INTS2: variants seen among roughly 807,000 people sequenced by gnomAD.
The protein encoded by INTS2 is integrator complex subunit 2.
INTS2 carries 57 observed loss-of-function variants against 139.6 expected under a neutral mutation model. The observed-to-expected ratio is 0.41, with a 90% CI of 0.33 to 0.51. INTS2 has a LOEUF of 0.51. Ranked by LOEUF, INTS2 falls within the 20% of genes least tolerant of loss-of-function variation. The pLI is 0.28. For missense variants in INTS2, 1,196 were observed against 1,436.7 expected, an observed-to-expected ratio of 0.83 and a Z score of 2.71; for synonymous variants, 473 against 493.4, an observed-to-expected ratio of 0.96 and a Z score of 0.55.
In INTS2 at chr17:61,897,318, G is replaced by A; in HGVS notation, c.1494+151C>T. 1.8e-6 allele frequency: 1 copy of A among 542,184 alleles called. No individual in the cohort carries two copies. Among genetic ancestry groups the A allele is most frequent in the Non-Finnish European group, 3.3e-6 (1 of 307,348 alleles). The allele number at this position is 542,184 out of a possible 1,614,324, so 33.6% of individuals were successfully genotyped here. ...AGTATCTATTATTTTAGTAAATACA[G>A]GTTTCAAAATGCATTTTTCTAAGCG... On this transcript the variant is annotated intron_variant, in intron 11 of 24. Transcript: ENST00000251334. This position sits in a 1 kb window ranked among gnomAD's most constrained non-coding sequence, Gnocchi z 4.4.
In INTS2 at chr17:61,882,558, G is replaced by C. The variant is rs2079187063; in HGVS notation, c.2090-1387C>G. Among the ~76,000 whole-genome samples the C allele has an allele frequency of 6.6e-6, 1 of 152,072 alleles. No homozygotes were observed. ...AGCCTGGCCAACATGGGGAAATCCT[G>C]TCTCTACTAAAAATACAAAAATTAG... On this transcript the variant is annotated intron_variant, in intron 16 of 24. Transcript: ENST00000251334. The surrounding 1 kb of genome is among the most constrained non-coding windows in gnomAD (Gnocchi z 4.7).
chr17:61,869,509 A>G lies in INTS2; in HGVS notation c.3031-129T>C. 1 of 800,670 alleles carries G rather than the reference A, an allele frequency of 1.2e-6. No homozygotes were observed. Among genetic ancestry groups the G allele is most frequent in the Non-Finnish European group, 2.0e-6 (1 of 509,922 alleles). 49.6% of individuals were successfully genotyped at this position (800,670 alleles called of 1,614,324 possible). On this transcript the variant is annotated intron_variant, in intron 21 of 24. Transcript: ENST00000251334. This position sits in a 1 kb window ranked among gnomAD's most constrained non-coding sequence, Gnocchi z 5.4. ...CAGAAGGCTATAGTGCCCCATATGT[A>G]ACCTGGCATTTCACTTTTCTGATGC... is the stretch of plus-strand genomic sequence containing the variant.
rs2079048436 is a variant in INTS2, at chr17:61,866,640, G to A, written c.*917C>T. 6.6e-6 allele frequency: 1 copy of A among 152,090 alleles called. No individual in the cohort carries two copies. The highest frequency in any genetic ancestry group is 1.5e-5 in the Non-Finnish European group (1 of 68,010). The allele number at this position is 152,090 out of a possible 1,614,324, so 9.4% of individuals were successfully genotyped here. On this transcript the variant is annotated 3_prime_UTR_variant, in exon 25 of 25. Transcript: ENST00000251334. Reference sequence around the variant, plus strand: ...CAAAGATCTTCTCAAAGTAAGATATGAATTATAATCCTGATGACAAACCAA... The same window carrying A: ...CAAAGATCTTCTCAAAGTAAGATATAAATTATAATCCTGATGACAAACCAA...
rs67714239 is a variant in INTS2 at position 61,909,121 on chromosome 17, CT to C, written c.955-1488del. The stretch of plus-strand genomic sequence containing the variant: ...ATACACACAATGGAATATTATTTTT[CT>C]TTTTTTTTGAGACCGAGTCCTGCTC... On this transcript the variant is annotated intron_variant, in intron 7 of 24. Transcript: ENST00000251334. This position sits in a 1 kb window ranked among gnomAD's most constrained non-coding sequence, Gnocchi z 4.9. 6.6e-6 allele frequency among the ~76,000 whole-genome samples: 1 copy of C among 151,062 alleles called. No homozygotes were observed. The highest frequency in any genetic ancestry group is 2.4e-5 in the African/African-American group (1 of 41,166).
chr17:61,872,436 G>A lies in INTS2; in HGVS notation c.2607C>T (p.Thr869=). 2 of 1,597,942 alleles carry A rather than the reference G, an allele frequency of 1.3e-6. No individual in the cohort carries two copies. Among genetic ancestry groups the A allele is most frequent in the Middle Eastern group, 1.7e-4 (1 of 6,002 alleles). The change falls in exon 20 of 25, where the codon ACC becomes ACT. Residue 869 remains threonine, a synonymous_variant. Transcript: ENST00000251334. This position sits in a 1 kb window ranked among gnomAD's most constrained non-coding sequence, Gnocchi z 4.8. The part of the protein sequence containing the change: ...VHRCPPLMDI[T]LHMLNGYLLA... ...GAAGATATCCATTCAACATGTGTAGGGTAATATCCATCAGTGGGGGGCATC... is the reference window on the plus strand; with the variant it reads ...GAAGATATCCATTCAACATGTGTAGAGTAATATCCATCAGTGGGGGGCATC...
intron 15 of INTS2, among the ~76,000 whole-genome samples, chr17:61,888,666 A>G (rs2079255782): frequency 6.6e-6 from 1 of 151,936 alleles, no homozygotes; most frequent in African/African-American, 2.4e-5. Context: ...TCAGCCTCCC[A>G]AAGTACCAAA....
intron 11 of INTS2, among the ~76,000 whole-genome samples, chr17:61,896,825 T>C (rs1250740103): frequency 6.6e-6 from 1 of 152,212 alleles, no homozygotes; most frequent in Admixed American, 6.5e-5. Context: ...GTTAAACTGA[T>C]ACAATCTTTC....
intron 8 of INTS2, among the ~76,000 whole-genome samples, chr17:61,906,352 C>T (rs138760535): frequency 1.1e-3 from 161 of 152,274 alleles, no homozygotes; most frequent in African/African-American, 3.7e-3. Flanking sequence ...GGATATTCAA[C>T]CTTTACAACT....
chr17:61,882,590 G>A lies in INTS2; in HGVS notation c.2090-1419C>T, dbSNP rs1603374374. On this transcript the variant is annotated intron_variant, in intron 16 of 24. Transcript: ENST00000251334. The surrounding 1 kb of genome is among the most constrained non-coding windows in gnomAD (Gnocchi z 4.7). The stretch of plus-strand genomic sequence containing the variant: ...CTAAAAATACAAAAATTAGCCAGGC[G>A]TGGTGGCACACGCCTGTAATCCTGG... Among the ~76,000 whole-genome samples, 2 of 152,126 alleles carry A rather than the reference G, an allele frequency of 1.3e-5. No individual in the cohort carries two copies. Among genetic ancestry groups the A allele is most frequent in the African/African-American group, 2.4e-5 (1 of 41,444 alleles).
In INTS2 at chr17:61,921,810, T is replaced by A. The variant is rs752363194; in HGVS notation, c.450A>T (p.Gly150=). 2 of 1,591,344 alleles carry A rather than the reference T, an allele frequency of 1.3e-6. No individual in the cohort carries two copies. The highest frequency in any genetic ancestry group is 2.7e-5 in the African/African-American group (2 of 73,780). ...GTTCAGAAGACTTGAAAAAAAATTC[T>A]CCGTTGGACTCAGACACCTTAAAAA... The part of the protein sequence containing the change: ...AIMNKVSESN[G]EFFFKSSELF... Residue 150 remains glycine (G), a synonymous_variant, in exon 4 of 25, where the codon GGA becomes GGT. Coordinates refer to ENST00000251334, the MANE Select transcript of INTS2 (RefSeq NM_001351695.2).
Position 61,872,529 on chromosome 17 carries a change from G to T in INTS2, c.2583-69C>A, listed in dbSNP as rs2079097744. 9.4e-7 allele frequency: 1 copy of T among 1,059,944 alleles called. No homozygotes were observed. The highest frequency in any genetic ancestry group is 1.3e-6 in the Non-Finnish European group (1 of 760,520). 65.7% of individuals were successfully genotyped at this position (1,059,944 alleles called of 1,614,324 possible). On this transcript the variant is annotated intron_variant, in intron 19 of 24. Coordinates refer to ENST00000251334, the MANE Select transcript of INTS2 (RefSeq NM_001351695.2). The surrounding 1 kb of genome is among the most constrained non-coding windows in gnomAD (Gnocchi z 4.8). ...TAAATTTATAAATTAGCCAGAACATGATCAATTTAGTTTAAATGCTGAGAA... is the reference window on the plus strand; with the variant it reads ...TAAATTTATAAATTAGCCAGAACATTATCAATTTAGTTTAAATGCTGAGAA...
intron 9 of INTS2, among the ~76,000 whole-genome samples, chr17:61,898,924 T>C (rs767157389): frequency 7.2e-5 from 11 of 152,104 alleles, no homozygotes; most frequent in African/African-American, 1.2e-4. Flanking sequence ...TAAATTTTAA[T>C]TGAAAAGTAC....
chr17:61,885,173 C>G (rs1215407527), intron 15 of INTS2, 168 bp from the exon 16 acceptor site: 2 of 594,884 alleles, frequency 3.4e-6, no homozygotes, highest in Non-Finnish European at 5.9e-6. Flanking sequence ...AGTGGCTACA[C>G]AGGAAGAACA....
chr17:61,876,032 C>T lies in INTS2; in HGVS notation c.2457-994G>A, dbSNP rs1472904469. On this transcript the variant is annotated intron_variant, in intron 18 of 24. Coordinates refer to ENST00000251334, the MANE Select transcript of INTS2 (RefSeq NM_001351695.2). This position sits in a 1 kb window ranked among gnomAD's most constrained non-coding sequence, Gnocchi z 4.1. ...AAAACTAAAAAAAATTAGGCAGGCA[C>T]GGGGGTATGCACCTGTAGTCCAGCT... is the stretch of plus-strand genomic sequence containing the variant. 1.3e-5 allele frequency among the ~76,000 whole-genome samples: 2 copies of T among 151,494 alleles called. No homozygotes were observed. Among genetic ancestry groups the T allele is most frequent in the South Asian group, 2.1e-4 (1 of 4,802 alleles).
chr17:61,902,938 G>A (rs1403004636), intron 9 of INTS2, among the ~76,000 whole-genome samples: 15 of 150,974 alleles, frequency 9.9e-5, no homozygotes, highest in South Asian at 2.1e-4. Context: ...AGGCCGAGGC[G>A]GGTGGATCGC....
At chr17:61,903,171 A>G (rs2079425719) in intron 9 of INTS2, among the ~76,000 whole-genome samples, 2 of 147,594 alleles carry the variant, frequency 1.4e-5, no homozygotes. Context: ...CGTCTCAAAA[A>G]AGGAAAAAAA....
rs1023547192 is a variant in INTS2 at position 61,914,331 on chromosome 17, C to T, written c.650-2261G>A. ...CAGCACTTTGGGAGATTGAGGCAAG[C>T]GGACCACTTTAGCCCAGGAGTCTGA... On this transcript the variant is annotated intron_variant, in intron 5 of 24. Transcript: ENST00000251334. 2.6e-5 allele frequency among the ~76,000 whole-genome samples: 4 copies of T among 152,180 alleles called. No homozygotes were observed. The East Asian group carries it at 5.8e-4, about 22-fold the overall frequency.
rs188660454 is a variant in INTS2 at position 61,923,638 on chromosome 17, A to C, written c.432+1323T>G. Among the ~76,000 whole-genome samples, 13 of 152,240 alleles carry C rather than the reference A, an allele frequency of 8.5e-5. 1 individual carries two copies. The highest frequency in any genetic ancestry group is 6.5e-4 in the Admixed American group (10 of 15,276). Reference sequence around the variant, plus strand: ...TTAACTGACTCCCCAAAATTATAACAGTAAATAAACATAAAGATCTAATTT... The same window carrying C: ...TTAACTGACTCCCCAAAATTATAACCGTAAATAAACATAAAGATCTAATTT... On this transcript the variant is annotated intron_variant, in intron 3 of 24. Coordinates refer to ENST00000251334, the MANE Select transcript of INTS2 (RefSeq NM_001351695.2).
rs2079048175 is a variant in INTS2 at position 61,866,589 on chromosome 17, A to G, written c.*968T>C. 6.6e-6 allele frequency: 1 copy of G among 152,164 alleles called. No homozygotes were observed. The allele number at this position is 152,164 out of a possible 1,614,324, so 9.4% of individuals were successfully genotyped here. A position where few individuals can be genotyped will look rare whatever the true frequency, so the allele number is the denominator to read the frequency against. On this transcript the variant is annotated 3_prime_UTR_variant, in exon 25 of 25. Coordinates refer to ENST00000251334, the MANE Select transcript of INTS2 (RefSeq NM_001351695.2). ...ATTTTCTACACTTTAACTTTTCCTC[A>G]GGTTCAAACACTGCATTTTCTTACT... is the stretch of plus-strand genomic sequence containing the variant.
Sources: allele counts gnomAD v4.1 joint callset (sites outside exome capture counted in the v4.1 genomes callset), GRCh38; gene constraint gnomAD v4.1.1; non-coding constraint Gnocchi (gnomAD v3.1); transcripts MANE v1.5; gene names NCBI Gene and HGNC (gene_info 2026-07-23, HGNC 2026-07-21).